TMTC2: variants seen among roughly 807,000 people sequenced by gnomAD.
The protein encoded by TMTC2 is protein O-mannosyl-transferase TMTC2.
A neutral mutation model predicts 82.4 loss-of-function variants in TMTC2; 43 were observed. That is an observed-to-expected ratio of 0.52 (90% CI 0.41 to 0.67). TMTC2 has a LOEUF of 0.67. Among genes scored for constraint, TMTC2 ranks in the 30% least tolerant of loss-of-function variants. TMTC2 has a pLI of 0.00. For synonymous variants in TMTC2, 408 were observed against 381.9 expected, an observed-to-expected ratio of 1.07 and a Z score of -0.80; for missense variants, 919 against 1,012.4, an observed-to-expected ratio of 0.91 and a Z score of 1.25.
intron 10 of TMTC2, among the ~76,000 whole-genome samples, chr12:83,057,621 G>A (rs2137466557): frequency 6.6e-6 from 1 of 151,788 alleles, no homozygotes; most frequent in South Asian, 2.1e-4. Context: ...ACTGCTTTGA[G>A]TAACTTAAAA....
intron 1 of TMTC2, among the ~76,000 whole-genome samples, chr12:82,697,950 A>C (rs898315748): frequency 2.0e-5 from 3 of 152,222 alleles, no homozygotes; most frequent in African/African-American, 7.2e-5. Flanking sequence ...TAGGTAGCTG[A>C]AAGTAGGAAG....
At chr12:82,764,987 G>C (rs557118410) in intron 1 of TMTC2, among the ~76,000 whole-genome samples, 1 of 151,446 alleles carries the variant, frequency 6.6e-6, no homozygotes, top group East Asian at 1.9e-4. Context: ...GGGGGTGACT[G>C]CACCTGTAAA....
At chr12:83,092,761 C>A (rs1345457469) in intron 11 of TMTC2, among the ~76,000 whole-genome samples, 4 of 152,166 alleles carry the variant, frequency 2.6e-5, no homozygotes, top group African/African-American at 7.2e-5. Context: ...TCAGGCACCC[C>A]TCTAGCAAAT....
intron 4 of TMTC2, among the ~76,000 whole-genome samples, chr12:82,962,222 A>G (rs529291794): frequency 6.6e-6 from 1 of 152,024 alleles, no homozygotes; most frequent in Non-Finnish European, 1.5e-5. Flanking sequence ...GGCTAAGTAC[A>G]TCAGTTTTCA....
chr12:82,931,750 T>C (rs919615919), intron 4 of TMTC2, among the ~76,000 whole-genome samples: 2 of 152,190 alleles, frequency 1.3e-5, no homozygotes, highest in Admixed American at 6.6e-5. Context: ...ATGATTCCTG[T>C]GTCTTTATAA....
intron 1 of TMTC2, among the ~76,000 whole-genome samples, chr12:82,732,343 A>C (rs562922283): frequency 1.7e-4 from 25 of 151,112 alleles, no homozygotes; most frequent in African/African-American, 5.6e-4. Context: ...TTTGGTTCTC[A>C]TCATGTTTTT....
chr12:82,750,141 A>G (rs563365522), intron 1 of TMTC2, among the ~76,000 whole-genome samples: 1 of 152,226 alleles, frequency 6.6e-6, no homozygotes, highest in East Asian at 1.9e-4. Flanking sequence ...GGCTCACTAC[A>G]TACTTATTTG....
At chr12:83,046,693 G>A (rs1278705583) in intron 9 of TMTC2, among the ~76,000 whole-genome samples, 1 of 152,010 alleles carries the variant, frequency 6.6e-6, no homozygotes, top group East Asian at 1.9e-4. Flanking sequence ...AATTCTTCAG[G>A]GAAGAGCACC....
intron 4 of TMTC2, among the ~76,000 whole-genome samples, chr12:82,957,880 A>G (rs941581441): frequency 7.2e-5 from 11 of 152,222 alleles, no homozygotes; most frequent in African/African-American, 2.4e-4. Flanking sequence ...AGAAAAACAC[A>G]AAAAACAAAA....
chr12:82,754,014 G>A (rs4323938), intron 1 of TMTC2, among the ~76,000 whole-genome samples: 121,588 of 152,160 alleles, frequency 0.8, 48,717 homozygotes, highest in East Asian at 0.99. Context: ...GGGACAAATA[G>A]AGATGTCACC....
intron 11 of TMTC2, among the ~76,000 whole-genome samples, chr12:83,098,168 G>C (rs936581202): frequency 6.6e-6 from 1 of 152,142 alleles, no homozygotes; most frequent in African/African-American, 2.4e-5. Context: ...ACCCACAGAT[G>C]GGAAGAAATG....
intron 4 of TMTC2, among the ~76,000 whole-genome samples, chr12:82,943,180 A>G (rs915214621): frequency 1.3e-4 from 20 of 152,310 alleles, no homozygotes; most frequent in Non-Finnish European, 2.5e-4. Context: ...CAATCTGAGC[A>G]AGTCTATATG....
chr12:82,846,617 C>T (rs1265664152), intron 1 of TMTC2, among the ~76,000 whole-genome samples: 3 of 151,936 alleles, frequency 2.0e-5, no homozygotes, highest in East Asian at 1.9e-4. Flanking sequence ...CGGAAAAACT[C>T]GTAAAGGGAT....
intron 4 of TMTC2, among the ~76,000 whole-genome samples, chr12:82,937,945 T>TA (rs34212500): frequency 0.64 from 87,773 of 137,656 alleles, 31,055 homozygotes; most frequent in South Asian, 0.83. Flanking sequence ...GAGACAGTCT[T>TA]ACGCTGTCGC....
intron 1 of TMTC2, among the ~76,000 whole-genome samples, chr12:82,850,184 C>T (rs148865321): frequency 4.6e-5 from 7 of 152,128 alleles, no homozygotes; most frequent in East Asian, 3.9e-4. Context: ...GTGTCCAGTG[C>T]GCAATGCTAT....
intron 1 of TMTC2, among the ~76,000 whole-genome samples, chr12:82,715,343 T>C (rs569871435): frequency 6.6e-6 from 1 of 152,048 alleles, no homozygotes; most frequent in South Asian, 2.1e-4. Context: ...ATCAGAGTGA[T>C]GACACCACCA....
chr12:83,070,957 T>G (rs1883090361), intron 11 of TMTC2, among the ~76,000 whole-genome samples: 1 of 152,156 alleles, frequency 6.6e-6, no homozygotes, highest in Non-Finnish European at 1.5e-5. Flanking sequence ...TCACGTGATT[T>G]TTGTTTTCAA....
chr12:82,900,600 A>G (rs1209798408), intron 3 of TMTC2, among the ~76,000 whole-genome samples: 2 of 145,570 alleles, frequency 1.4e-5, no homozygotes, highest in Non-Finnish European at 3.0e-5. Flanking sequence ...ATATGTAGGA[A>G]TATATATAGG....
intron 7 of TMTC2, among the ~76,000 whole-genome samples, chr12:82,970,707 C>T (rs1011038812): frequency 6.6e-6 from 1 of 152,212 alleles, no homozygotes; most frequent in South Asian, 2.1e-4. Context: ...GTGGATATGA[C>T]TACTTCATAG....
Sources: allele counts gnomAD v4.1 joint callset (sites outside exome capture counted in the v4.1 genomes callset), GRCh38; gene constraint gnomAD v4.1.1; transcripts MANE v1.5; gene names NCBI Gene and HGNC (gene_info 2026-07-23, HGNC 2026-07-21).